The following BPTF variants were observed in gnomAD, a reference collection of about 807,000 sequenced individuals.
BPTF encodes nucleosome-remodeling factor subunit BPTF.
A neutral mutation model predicts 292.5 loss-of-function variants in BPTF; 18 were observed. That is an observed-to-expected ratio of 0.06 (90% confidence interval 0.04 to 0.09). BPTF has a LOEUF of 0.09. BPTF is among the 10% of genes least tolerant of loss of function. The pLI, the probability that BPTF is intolerant of heterozygous loss-of-function variation, is 1.00. For synonymous variants in BPTF, 1,225 were observed against 1,251.9 expected (o/e 0.98, Z 0.45); for missense variants, 2,726 against 3,498.7 (o/e 0.78, Z 5.57).
intron 19 of BPTF, 42 bp from the exon 20 acceptor site, chr17:67,944,108 T>G: frequency 7.0e-7 from 1 of 1,419,896 alleles, no homozygotes; most frequent in Non-Finnish European, 1.0e-6. Flanking sequence ...ACATACAGAT[T>G]GATGCTTTGA....
chr17:67,954,882 T>C (rs1190166451), intron 23 of BPTF, among the ~76,000 whole-genome samples: 3 of 152,188 alleles, frequency 2.0e-5, no homozygotes, highest in Non-Finnish European at 4.4e-5. Flanking sequence ...GGCTGTTGAA[T>C]AATTTGTCAC....
intron 2 of BPTF, among the ~76,000 whole-genome samples, chr17:67,863,151 A>G (rs2059185287): frequency 1.3e-5 from 2 of 152,180 alleles, no homozygotes; most frequent in South Asian, 4.1e-4. Flanking sequence ...ATGGGTCAGC[A>G]GGGTTGGTTT....
intron 27 of BPTF, among the ~76,000 whole-genome samples, chr17:67,978,345 C>T (rs143837582): frequency 0.043 from 6,354 of 148,900 alleles, 176 homozygotes; most frequent in South Asian, 0.13. Flanking sequence ...GTTGCCCAGG[C>T]TGGAGTTCAG....
At chr17:67,958,956 A>AAT (rs2067208062) in intron 23 of BPTF, among the ~76,000 whole-genome samples, 1 of 152,098 alleles carries the variant, frequency 6.6e-6, no homozygotes, top group Non-Finnish European at 1.5e-5. Flanking sequence ...CATCTCAAAA[A>AAT]ATATATATAT....
intron 7 of BPTF, among the ~76,000 whole-genome samples, chr17:67,902,150 T>A (rs1159297940): frequency 1.3e-5 from 2 of 152,216 alleles, no homozygotes; most frequent in African/African-American, 4.8e-5. Flanking sequence ...GAAGCCTTTG[T>A]ATTTGGTGAT....
intron 9 of BPTF, among the ~76,000 whole-genome samples, chr17:67,905,633 C>T (rs2062131574): frequency 6.6e-6 from 1 of 152,036 alleles, no homozygotes; most frequent in Non-Finnish European, 1.5e-5. Context: ...TGCTTGAGGC[C>T]AGGAGTTTGA....
At chr17:67,850,976 G>A (rs936828660) in intron 1 of BPTF, among the ~76,000 whole-genome samples, 1 of 152,126 alleles carries the variant, frequency 6.6e-6, no homozygotes, top group African/African-American at 2.4e-5. Flanking sequence ...GATATAATAA[G>A]CAAATTGATA....
At chr17:67,891,746 A>C (rs1299880222) in intron 4 of BPTF, 98 bp from the exon 5 acceptor site, 2 of 837,002 alleles carry the variant, frequency 2.4e-6, no homozygotes, top group African/African-American at 1.8e-5. Context: ...TACTTTGTGG[A>C]TCTTACACAT....
chr17:67,833,483 C>T (rs1489860054), intron 1 of BPTF, among the ~76,000 whole-genome samples: 3 of 152,048 alleles, frequency 2.0e-5, no homozygotes, highest in Admixed American at 6.6e-5. Flanking sequence ...CATTCGTGTA[C>T]ATGTTTTTAT....
At chr17:67,929,569 C>T in intron 17 of BPTF, 82 bp downstream of exon 17, 1 of 1,467,484 alleles carries the variant, frequency 6.8e-7, no homozygotes, top group Non-Finnish European at 9.2e-7. Context: ...CAAGATTAAT[C>T]CAACTCAGTT....
chr17:67,942,828 A>G (rs765745975), intron 19 of BPTF, among the ~76,000 whole-genome samples: 5 of 152,238 alleles, frequency 3.3e-5, no homozygotes, highest in Non-Finnish European at 7.3e-5. Flanking sequence ...ATTCTCACAA[A>G]TATATAATGG....
At chr17:67,882,133 C>T (rs374898176) in intron 4 of BPTF, among the ~76,000 whole-genome samples, 17 of 152,180 alleles carry the variant, frequency 1.1e-4, no homozygotes, top group East Asian at 5.8e-4. Context: ...CCGTGCTGGC[C>T]GGACTTCTTG....
At chr17:67,886,934 G>A (rs1172992321) in intron 4 of BPTF, among the ~76,000 whole-genome samples, 1 of 152,116 alleles carries the variant, frequency 6.6e-6, no homozygotes, top group Non-Finnish European at 1.5e-5. Context: ...ACAAATAGTG[G>A]TGCTTTTGAA....
At chr17:67,835,663 ATTTTTTTTTT>A (rs142633440) in intron 1 of BPTF, among the ~76,000 whole-genome samples, 30,730 of 141,228 alleles carry the variant, frequency 0.22, 3,932 homozygotes, top group East Asian at 0.66. Flanking sequence ...AGTCCTGGTA[ATTTTTTTTTT>A]TTTTTTTTTT....
chr17:67,859,203 T>C (rs2058923137), intron 2 of BPTF, among the ~76,000 whole-genome samples: 1 of 152,226 alleles, frequency 6.6e-6, no homozygotes, highest in African/African-American at 2.4e-5. Context: ...TAGAGTGCAG[T>C]GGCATGATCA....
intron 4 of BPTF, among the ~76,000 whole-genome samples, chr17:67,888,544 C>T (rs1384807736): frequency 1.4e-5 from 2 of 138,302 alleles, no homozygotes; most frequent in African/African-American, 2.7e-5. Context: ...GAGCCGAGAT[C>T]GTGCCACTGC....
In BPTF at chr17:67,918,728, C is replaced by G; in HGVS notation, c.5318C>G (p.Thr1773Arg). The change falls in exon 12 of 28, where the codon ACA (threonine) becomes AGA (arginine). Residue 1773 changes from threonine to arginine, a missense_variant. Physicochemically the swap from Thr to Arg is moderately conservative, Grantham distance 71. This residue lies in a region of BPTF where 36 missense variants were observed against 34.7 expected (regional missense o/e 1.04). Coordinates refer to ENST00000306378, the MANE Select transcript of BPTF (RefSeq NM_182641.4). ...TTTCCTTTCAGGTATAGACTTCAGA[C>G]AGTAAAGTCCTTAGCTGGAGTGAGC... ...FGITWRYRLQTVKSLAGVSLM... is the reference protein window; with the variant it reads ...FGITWRYRLQRVKSLAGVSLM... The G allele has an allele frequency of 6.2e-7, 1 of 1,613,282 alleles. No individual in the cohort carries two copies. The highest frequency in any genetic ancestry group is 2.2e-5 in the East Asian group (1 of 44,832).
In BPTF at chr17:67,893,605, A is replaced by G. The variant is rs746693483; in HGVS notation, c.2291A>G (p.Lys764Arg). 3.2e-5 allele frequency: 51 copies of G among 1,611,992 alleles called. 1 individual carries two copies. Among genetic ancestry groups the G allele is most frequent in the Non-Finnish European group, 3.4e-5 (40 of 1,178,202 alleles). The change falls in exon 6 of 28, where the codon AAA becomes AGA. Residue 764 changes from lysine (K) to arginine (R), a missense_variant. Transcript: ENST00000306378. ...KFCLTPAGEF[K>R]WNGSVHGSKV... ...TGTCTGACTCCAGCAGGAGAGTTCA[A>G]ATGGAACGGTTCTGTCCATGGGTCC...
In BPTF at chr17:67,906,051, A is replaced by T. The variant is rs891142000; in HGVS notation, c.2812+1211A>T. On this transcript the variant is annotated intron_variant, in intron 9 of 27. Transcript: ENST00000306378. Reference sequence around the variant, plus strand: ...GTACCCTAGAACTAAAGTATAATTTAAAAAAATAATGAGGTTTTTTTTGGG... The same window carrying T: ...GTACCCTAGAACTAAAGTATAATTTTAAAAAATAATGAGGTTTTTTTTGGG... Among the ~76,000 whole-genome samples the T allele has an allele frequency of 7.2e-5, 11 of 152,060 alleles. No homozygotes were observed. In the South Asian group the frequency reaches 1.0e-3, roughly 14 times the overall value.
Sources: gnomAD v4.1 joint callset for allele counts (sites outside exome capture counted in the v4.1 genomes callset) on GRCh38, gnomAD v4.1.1 for gene constraint, gnomAD v4.1.1 regional missense constraint, MANE v1.5 for transcripts, NCBI Gene and HGNC (gene_info 2026-07-23, HGNC 2026-07-21) for gene names.